Variants in NUBPL observed in about 807,000 individuals in gnomAD.
NUBPL encodes NUBP iron-sulfur cluster assembly factor, mitochondrial, also known as iron-sulfur cluster transfer protein NUBPL.
A neutral mutation model predicts 45.7 loss-of-function variants in NUBPL; 31 were observed. That is an observed-to-expected ratio of 0.68 (90% CI 0.51 to 0.92). The LOEUF is 0.92. Among genes scored for constraint, NUBPL ranks in the 40% least tolerant of loss-of-function variants. The pLI, the probability that NUBPL is intolerant of heterozygous loss-of-function variation, is 0.00. For missense variants in NUBPL, 401 were observed against 398.7 expected (o/e 1.01, Z -0.05); for synonymous variants, 144 against 140.9 (o/e 1.02, Z -0.15).
At chr14:31,835,528 G>A (rs754038317) in intron 8 of NUBPL, among the ~76,000 whole-genome samples, 8 of 152,188 alleles carry the variant, frequency 5.3e-5, no homozygotes, top group East Asian at 1.9e-4. Flanking sequence ...CTTAGCACAC[G>A]GTATGGTAAA....
At chr14:31,799,911 T>C (rs560108596) in intron 7 of NUBPL, among the ~76,000 whole-genome samples, 1 of 152,246 alleles carries the variant, frequency 6.6e-6, no homozygotes. Context: ...ATTTAACCCA[T>C]AGTAGAATAT....
chr14:31,607,345 T>C (rs1207257018), intron 4 of NUBPL, among the ~76,000 whole-genome samples: 1 of 151,052 alleles, frequency 6.6e-6, no homozygotes, highest in Non-Finnish European at 1.5e-5. Context: ...ATCGTGCCAC[T>C]GCACTGCAGC....
At chr14:31,834,249 T>C (rs184511765) in intron 8 of NUBPL, among the ~76,000 whole-genome samples, 139 of 148,942 alleles carry the variant, frequency 9.3e-4, no homozygotes, top group Non-Finnish European at 1.3e-3. Context: ...GGTGTAATCT[T>C]GGCTCACTGC....
intron 3 of NUBPL, among the ~76,000 whole-genome samples, chr14:31,595,968 G>A (rs1023684745): frequency 4.0e-5 from 6 of 149,398 alleles, no homozygotes; most frequent in African/African-American, 1.2e-4. Flanking sequence ...GTGCAGTGGC[G>A]CAATCTTGGC....
In NUBPL at chr14:31,565,022, G is replaced by T; in HGVS notation, c.265G>T (p.Ala89Ser). The change falls in exon 3 of 11, where the codon GCA (alanine) becomes TCA (serine). Residue 89 changes from alanine to serine, a missense_variant. Physicochemically the swap from Ala to Ser is moderately conservative, Grantham distance 99. Coordinates refer to ENST00000281081, the MANE Select transcript of NUBPL (RefSeq NM_025152.3). The part of the protein sequence containing the change: ...VGKSTTAVNL[A>S]LALAANDSSK... Reference sequence around the variant, plus strand: ...TTTTTTGTTTCTTACAGTGAATCTTGCACTTGCACTAGCAGCGAACGATTC... The same window carrying T: ...TTTTTTGTTTCTTACAGTGAATCTTTCACTTGCACTAGCAGCGAACGATTC... The T allele has an allele frequency of 5.1e-6, 8 of 1,554,636 alleles. No homozygotes were observed. The highest frequency in any genetic ancestry group is 6.2e-6 in the Non-Finnish European group (7 of 1,135,622).
At chr14:31,678,586 G>A (rs534539125) in intron 6 of NUBPL, among the ~76,000 whole-genome samples, 5 of 152,280 alleles carry the variant, frequency 3.3e-5, no homozygotes, top group African/African-American at 9.6e-5. Flanking sequence ...TAGGAATGTC[G>A]TCCATGAGCC....
At chr14:31,709,429 G>T (rs2037522336) in intron 6 of NUBPL, among the ~76,000 whole-genome samples, 1 of 152,224 alleles carries the variant, frequency 6.6e-6, no homozygotes. Flanking sequence ...CAAGGTCCCA[G>T]TGGGGATCCA....
intron 6 of NUBPL, among the ~76,000 whole-genome samples, chr14:31,676,419 G>T (rs1362819093): frequency 6.6e-6 from 1 of 151,840 alleles, no homozygotes; most frequent in Non-Finnish European, 1.5e-5. Flanking sequence ...CTTCTTTATT[G>T]CTAAGTAGGA....
chr14:31,793,814 GC>G (rs2039427076), intron 7 of NUBPL, among the ~76,000 whole-genome samples: 2 of 140,434 alleles, frequency 1.4e-5, no homozygotes, highest in Admixed American at 7.3e-5. Flanking sequence ...AAGGATTTGT[GC>G]CCCCTTATCT....
At chr14:31,638,362 G>T (rs543664601) in intron 4 of NUBPL, among the ~76,000 whole-genome samples, 5 of 151,204 alleles carry the variant, frequency 3.3e-5, no homozygotes, top group South Asian at 2.1e-4. Flanking sequence ...TAGTTTGGCT[G>T]GATATGAAAT....
intron 4 of NUBPL, among the ~76,000 whole-genome samples, chr14:31,622,807 C>T (rs2035101036): frequency 6.6e-6 from 1 of 152,214 alleles, no homozygotes; most frequent in South Asian, 2.1e-4. Flanking sequence ...GGGGCAGAGC[C>T]CCCATGGAGA....
chr14:31,652,526 A>T (rs776142656), intron 4 of NUBPL, among the ~76,000 whole-genome samples: 15 of 152,226 alleles, frequency 9.9e-5, no homozygotes, highest in Admixed American at 4.6e-4. Flanking sequence ...ATATGAGAAC[A>T]TTGCTTTGTA....
chr14:31,807,763 A>G (rs913371321), intron 7 of NUBPL, among the ~76,000 whole-genome samples: 13 of 152,284 alleles, frequency 8.5e-5, no homozygotes, highest in East Asian at 3.9e-4. Context: ...TAGGTCTAAC[A>G]TTTAAGTCTT....
intron 6 of NUBPL, among the ~76,000 whole-genome samples, chr14:31,685,820 AG>A (rs902781879): frequency 9.8e-5 from 15 of 152,340 alleles, no homozygotes; most frequent in African/African-American, 3.6e-4. Context: ...AGTGATGCAC[AG>A]TTTTTAGTGT....
intron 6 of NUBPL, among the ~76,000 whole-genome samples, chr14:31,767,917 T>G (rs1323192364): frequency 6.6e-6 from 1 of 152,192 alleles, no homozygotes; most frequent in Non-Finnish European, 1.5e-5. Flanking sequence ...CCAGATCTGA[T>G]CTCACCTGGC....
chr14:31,834,623 T>C (rs535032581), intron 8 of NUBPL, among the ~76,000 whole-genome samples: 10 of 152,338 alleles, frequency 6.6e-5, no homozygotes, highest in African/African-American at 2.4e-4. Context: ...TGGAGATATA[T>C]GCTTATTTGT....
chr14:31,734,948 C>A lies in NUBPL; in HGVS notation c.514-52832C>A, dbSNP rs547236527. ...CAGATGACATTAAGTTTTATAGTCC[C>A]TACCATGCTAACTCTAGGCCCAAAT... On this transcript the variant is annotated intron_variant, in intron 6 of 10. Transcript: ENST00000281081. Among the ~76,000 whole-genome samples the A allele has an allele frequency of 2.0e-5, 3 of 152,272 alleles. No individual in the cohort carries two copies. The South Asian group carries it at 6.2e-4, about 32-fold the overall frequency.
chr14:31,637,953 C>T (rs1206140803), intron 4 of NUBPL, among the ~76,000 whole-genome samples: 1 of 152,148 alleles, frequency 6.6e-6, no homozygotes, highest in African/African-American at 2.4e-5. Flanking sequence ...AGATCTTCCT[C>T]CATCCTTTTA....
At chr14:31,857,540 C>T (rs1401773573) in intron 10 of NUBPL, among the ~76,000 whole-genome samples, 3 of 152,180 alleles carry the variant, frequency 2.0e-5, no homozygotes, top group Admixed American at 1.3e-4. Context: ...TTTTCTAAAC[C>T]TTTATGCTCT....
Sources: allele counts gnomAD v4.1 joint callset (sites outside exome capture counted in the v4.1 genomes callset), GRCh38; gene constraint gnomAD v4.1.1; transcripts MANE v1.5; gene names NCBI Gene and HGNC (gene_info 2026-07-23, HGNC 2026-07-21).